Variants in GRID2 observed in about 807,000 individuals in gnomAD.
GRID2 encodes glutamate receptor ionotropic, delta-2.
A neutral mutation model predicts 114.8 loss-of-function variants in GRID2; 33 were observed. The observed-to-expected ratio is 0.29, with a 90% CI of 0.22 to 0.38. The LOEUF is 0.38. GRID2 is among the 10% of genes least tolerant of loss of function. The pLI is 1.00. For synonymous variants in GRID2, 505 were observed against 449.9 expected (o/e 1.12, Z -1.55); for missense variants, 1,184 against 1,257.7 (o/e 0.94, Z 0.89).
chr4:92,862,086 G>A (rs1458743955), intron 2 of GRID2, among the ~76,000 whole-genome samples: 2 of 151,952 alleles, frequency 1.3e-5, no homozygotes, highest in Non-Finnish European at 2.9e-5. Flanking sequence ...TGGCAGAATT[G>A]TCTTACAGGG....
chr4:92,406,249 A>G (rs1731024225), intron 1 of GRID2, among the ~76,000 whole-genome samples: 1 of 152,174 alleles, frequency 6.6e-6, no homozygotes, highest in African/African-American at 2.4e-5. Flanking sequence ...CTCCATATTA[A>G]CCATCACAAT....
intron 8 of GRID2, among the ~76,000 whole-genome samples, chr4:93,354,484 G>A (rs1019846273): frequency 6.6e-6 from 1 of 151,854 alleles, no homozygotes; most frequent in South Asian, 2.1e-4. Flanking sequence ...CATAATTCTG[G>A]TAGAAAAGAT....
At chr4:92,487,765 GTTT>G (rs1722965548) in intron 1 of GRID2, among the ~76,000 whole-genome samples, 3 of 151,708 alleles carry the variant, frequency 2.0e-5, no homozygotes, top group Admixed American at 1.3e-4. Context: ...TTGTTTGTTT[GTTT>G]GTTTGTTTAT....
intron 1 of GRID2, among the ~76,000 whole-genome samples, chr4:92,449,974 T>C (rs561585839): frequency 6.6e-6 from 1 of 151,964 alleles, no homozygotes; most frequent in African/African-American, 2.4e-5. Flanking sequence ...AGTAAGAGCA[T>C]GTAAAACATA....
chr4:92,926,384 A>C (rs1182782040), intron 2 of GRID2, among the ~76,000 whole-genome samples: 2 of 151,988 alleles, frequency 1.3e-5, no homozygotes, highest in Non-Finnish European at 2.9e-5. Flanking sequence ...TGTGTGAATC[A>C]GTATGTACAA....
chr4:92,664,103 G>C (rs910486164), intron 2 of GRID2, among the ~76,000 whole-genome samples: 1 of 151,172 alleles, frequency 6.6e-6, no homozygotes, highest in African/African-American at 2.4e-5. Flanking sequence ...GTTGTATGGA[G>C]AGACTATCGA....
intron 4 of GRID2, among the ~76,000 whole-genome samples, chr4:93,171,374 A>G (rs1738806370): frequency 6.6e-6 from 1 of 152,152 alleles, no homozygotes; most frequent in Non-Finnish European, 1.5e-5. Context: ...TGTCTTCTCA[A>G]TGAGGCTTTT....
chr4:93,119,029 A>G (rs1032421410), intron 4 of GRID2, among the ~76,000 whole-genome samples: 8 of 152,220 alleles, frequency 5.3e-5, no homozygotes, highest in Non-Finnish European at 8.8e-5. Flanking sequence ...AAGCATATCA[A>G]TTCTGTTTGC....
intron 1 of GRID2, among the ~76,000 whole-genome samples, chr4:92,409,312 T>C (rs556971583): frequency 6.6e-6 from 1 of 152,188 alleles, no homozygotes; most frequent in Admixed American, 6.5e-5. Context: ...AGAGTTACCA[T>C]TTTAGGTCCA....
chr4:93,125,600 C>T (rs1383950168), intron 4 of GRID2, among the ~76,000 whole-genome samples: 2 of 152,010 alleles, frequency 1.3e-5, no homozygotes, highest in African/African-American at 4.8e-5. Flanking sequence ...AAGTAAATTG[C>T]CATTTAAAAT....
chr4:92,712,006 C>T (rs1347829018), intron 2 of GRID2, among the ~76,000 whole-genome samples: 1 of 152,176 alleles, frequency 6.6e-6, no homozygotes, highest in Non-Finnish European at 1.5e-5. Flanking sequence ...TCTGCAAATA[C>T]TCTTTTCTTA....
At chr4:93,021,612 T>C (rs1046390684) in intron 2 of GRID2, among the ~76,000 whole-genome samples, 3 of 144,912 alleles carry the variant, frequency 2.1e-5, no homozygotes, top group African/African-American at 7.5e-5. Flanking sequence ...ATATATTATT[T>C]ATATATTGTA....
intron 14 of GRID2, among the ~76,000 whole-genome samples, chr4:93,723,653 A>G (rs139068922): frequency 8.1e-4 from 124 of 152,336 alleles, no homozygotes; most frequent in African/African-American, 2.9e-3. Flanking sequence ...CCCCCAGGGG[A>G]TATAAAGATA....
chr4:93,115,805 A>G (rs934671674), intron 4 of GRID2, among the ~76,000 whole-genome samples: 11 of 152,076 alleles, frequency 7.2e-5, no homozygotes, highest in Non-Finnish European at 1.6e-4. Context: ...TTCACTACCA[A>G]GAGAACAGTA....
intron 2 of GRID2, among the ~76,000 whole-genome samples, chr4:92,726,419 T>C (rs151293321): frequency 1.3e-5 from 2 of 152,224 alleles, no homozygotes; most frequent in African/African-American, 2.4e-5. Context: ...GTCATATATA[T>C]AGTCTTTTGT....
chr4:92,602,214 AAAAG>A (rs1308989325), intron 2 of GRID2, among the ~76,000 whole-genome samples: 3 of 151,356 alleles, frequency 2.0e-5, no homozygotes, highest in African/African-American at 4.8e-5. Context: ...AAAAAAAAAA[AAAAG>A]AAAAGAAAAG....
chr4:92,758,691 A>G, intron 2 of GRID2, among the ~76,000 whole-genome samples: 1 of 152,146 alleles, frequency 6.6e-6, no homozygotes, highest in East Asian at 1.9e-4. Flanking sequence ...CAGTAATTAC[A>G]CCACTCAGAA....
intron 2 of GRID2, among the ~76,000 whole-genome samples, chr4:92,979,487 T>C (rs948241179): frequency 1.3e-5 from 2 of 152,058 alleles, no homozygotes; most frequent in African/African-American, 4.8e-5. Context: ...ATGAATAAAA[T>C]TCTGTGTTTT....
At chr4:93,720,523 C>T (rs12642602) in intron 14 of GRID2, among the ~76,000 whole-genome samples, 3 of 152,092 alleles carry the variant, frequency 2.0e-5, no homozygotes, top group Admixed American at 1.3e-4. Flanking sequence ...TCACAGACAC[C>T]TGCTGGGCAT....
Sources: allele counts gnomAD v4.1 joint callset (sites outside exome capture counted in the v4.1 genomes callset), GRCh38; gene constraint gnomAD v4.1.1; transcripts MANE v1.5; gene names NCBI Gene and HGNC (gene_info 2026-07-23, HGNC 2026-07-21).